The following SLC8A1 variants were observed in gnomAD, a reference collection of about 807,000 sequenced individuals.
The protein encoded by SLC8A1 is sodium/calcium exchanger 1.
A neutral mutation model predicts 68.3 loss-of-function variants in SLC8A1; 18 were observed. That is an observed-to-expected ratio of 0.26 (90% CI 0.18 to 0.39). The LOEUF (loss-of-function observed/expected upper bound fraction) is 0.39. Ranked by LOEUF, SLC8A1 falls within the 10% of genes least tolerant of loss-of-function variation. SLC8A1 has a pLI of 1.00. For missense variants in SLC8A1, 985 were observed against 1,156.7 expected (o/e 0.85, Z 2.15); for synonymous variants, 475 against 415.5 (o/e 1.14, Z -1.74).
chr2:40,107,648 G>T (rs925273695), exon 8 of SLC8A1: 1 of 152,134 alleles, frequency 6.6e-6, no homozygotes, highest in Non-Finnish European at 1.5e-5. Context: ...TAAAAAGGGG[G>T]GAGGTCAGGA....
intron 2 of SLC8A1, chr2:40,254,842 A>T (rs1324576676): frequency 6.6e-6 from 1 of 152,222 alleles, no homozygotes; most frequent in Non-Finnish European, 1.5e-5. Flanking sequence ...ACACTGTGCA[A>T]TTGTAATTTT....
At chr2:40,303,728 A>C (rs189433916) in intron 2 of SLC8A1, among the ~76,000 whole-genome samples, 1 of 152,196 alleles carries the variant, frequency 6.6e-6, no homozygotes, top group Non-Finnish European at 1.5e-5. Context: ...GTGATTTCCC[A>C]CAAGACTGAG....
chr2:40,428,725 G>A (rs147259497), exon 2 of SLC8A1: 5 of 1,613,712 alleles, frequency 3.1e-6, no homozygotes, highest in Non-Finnish European at 4.2e-6. Context: ...TCCGAGGCAA[G>A]CAAGTGTAGA....
chr2:40,232,125 G>T (rs1320012881), intron 2 of SLC8A1, among the ~76,000 whole-genome samples: 2 of 152,090 alleles, frequency 1.3e-5, no homozygotes, highest in African/African-American at 4.8e-5. Context: ...ATCACTGAAG[G>T]TCAAAGCACA....
intron 1 of SLC8A1, among the ~76,000 whole-genome samples, chr2:40,457,361 C>T (rs577013373): frequency 6.6e-6 from 1 of 152,280 alleles, no homozygotes; most frequent in African/African-American, 2.4e-5. Flanking sequence ...TTTCATAAAT[C>T]TCTTTTCCAA....
At chr2:40,189,233 C>A (rs2041827) in intron 2 of SLC8A1, among the ~76,000 whole-genome samples, 19,204 of 152,156 alleles carry the variant, frequency 0.13, 1,331 homozygotes, top group African/African-American at 0.15. Flanking sequence ...CCGTATTAGC[C>A]AGTTTATATT....
At chr2:40,182,885 T>C (rs2049895180) in intron 2 of SLC8A1, among the ~76,000 whole-genome samples, 1 of 152,206 alleles carries the variant, frequency 6.6e-6, no homozygotes, top group African/African-American at 2.4e-5. Context: ...GCCCTTGATG[T>C]TGGGAGAAGA....
intron 1 of SLC8A1, among the ~76,000 whole-genome samples, chr2:40,506,380 T>G (rs1433755874): frequency 6.6e-6 from 1 of 151,968 alleles, no homozygotes; most frequent in Non-Finnish European, 1.5e-5. Flanking sequence ...TGGTTATCTA[T>G]TTAGTCTGTG....
At chr2:40,189,369 G>A (rs2051308860) in intron 2 of SLC8A1, among the ~76,000 whole-genome samples, 1 of 152,208 alleles carries the variant, frequency 6.6e-6, no homozygotes, top group South Asian at 2.1e-4. Context: ...CGCCCAGTCT[G>A]TAGTGCAGTG....
At chr2:40,287,581 G>GGTGTGTGTGTGTGTGTGTGTGT (rs2068519587) in intron 2 of SLC8A1, among the ~76,000 whole-genome samples, 1 of 74,752 alleles carries the variant, frequency 1.3e-5, no homozygotes, top group Non-Finnish European at 2.5e-5. Context: ...GCAGAGGAAT[G>GGTGTGTGTGTGTGTGTGTGTGT]ATGTGTGTGT....
rs554368731 is a variant in SLC8A1, at chr2:40,461,026, G to A, written c.-24-30722C>T. Among the ~76,000 whole-genome samples the A allele has an allele frequency of 8.5e-5, 13 of 152,238 alleles. No individual in the cohort carries two copies. In the South Asian group the frequency reaches 1.9e-3, roughly 22 times the overall value. On this transcript the variant is annotated intron_variant, in intron 1 of 7. Transcript: ENST00000402441. ...AGGACTCTAAACAACTACTGAGGGC[G>A]AAAAGGAAGAATATAGCCATTTTTT...
chr2:40,235,812 T>C (rs1230941692), intron 2 of SLC8A1, among the ~76,000 whole-genome samples: 3 of 149,950 alleles, frequency 2.0e-5, no homozygotes, highest in Admixed American at 6.6e-5. Flanking sequence ...TTTGTTCTCG[T>C]TGGTTTCAAA....
intron 2 of SLC8A1, among the ~76,000 whole-genome samples, chr2:40,300,725 A>G (rs2071299723): frequency 1.3e-5 from 2 of 152,136 alleles, no homozygotes; most frequent in Non-Finnish European, 2.9e-5. Context: ...CCTCTCCAGG[A>G]GCAAAGTCAG....
intron 2 of SLC8A1, among the ~76,000 whole-genome samples, chr2:40,304,099 C>A (rs1394404110): frequency 6.6e-6 from 1 of 152,142 alleles, no homozygotes; most frequent in Non-Finnish European, 1.5e-5. Context: ...ATATTTGAGT[C>A]CTTTAGTATA....
chr2:40,442,190 A>T (rs1700619309), intron 1 of SLC8A1, among the ~76,000 whole-genome samples: 1 of 149,746 alleles, frequency 6.7e-6, no homozygotes, highest in East Asian at 1.9e-4. Flanking sequence ...CCTAAAACTT[A>T]AAGTATAATA....
At chr2:40,151,875 T>C (rs1251222856) in intron 6 of SLC8A1, among the ~76,000 whole-genome samples, 1 of 152,170 alleles carries the variant, frequency 6.6e-6, no homozygotes, top group African/African-American at 2.4e-5. Flanking sequence ...ATGTCATACA[T>C]TAAAGATAAA....
At chr2:40,469,438 T>A (rs951228407) in intron 1 of SLC8A1, among the ~76,000 whole-genome samples, 1 of 152,132 alleles carries the variant, frequency 6.6e-6, no homozygotes. Flanking sequence ...TCCTGAGGCC[T>A]CCCAGTCATG....
chr2:40,354,747 G>A (rs1314611572), intron 2 of SLC8A1, among the ~76,000 whole-genome samples: 5 of 152,148 alleles, frequency 3.3e-5, no homozygotes, highest in Non-Finnish European at 7.3e-5. Flanking sequence ...AAAAGAAAGG[G>A]AAATGCTAGG....
In SLC8A1 at chr2:40,275,122, T is replaced by A. The variant is rs558002455; in HGVS notation, c.1809-97267A>T. On this transcript the variant is annotated intron_variant, in intron 2 of 7. Transcript: ENST00000406785. ...TCAATTTGAAGTGAATAGAATTGTA[T>A]GCTCACATTTTATAATTGAGTTGAA... is the stretch of plus-strand genomic sequence containing the variant. 2.0e-5 allele frequency among the ~76,000 whole-genome samples: 3 copies of A among 152,372 alleles called. No homozygotes were observed. In the South Asian group the frequency reaches 6.2e-4, roughly 32 times the overall value.
Sources: gnomAD v4.1 joint callset for allele counts (sites outside exome capture counted in the v4.1 genomes callset) on GRCh38, gnomAD v4.1.1 for gene constraint, MANE v1.5 for transcripts, NCBI Gene and HGNC (gene_info 2026-07-23, HGNC 2026-07-21) for gene names.